KCNN2: variants seen among roughly 807,000 people sequenced by gnomAD.
KCNN2 encodes the protein potassium calcium-activated channel subfamily N member 2.
A neutral mutation model predicts 55.5 loss-of-function variants in KCNN2; 24 were observed. That is an observed-to-expected ratio of 0.43 (90% CI 0.31 to 0.61). The LOEUF (loss-of-function observed/expected upper bound fraction) is 0.61. Ranked by LOEUF, KCNN2 falls within the 20% of genes least tolerant of loss-of-function variation. The probability of loss-of-function intolerance (pLI) is 0.08; values close to 1 mark genes in which losing one functional copy is unlikely to be tolerated. For missense variants in KCNN2, 754 were observed against 853.6 expected (o/e 0.88, Z 1.45); for synonymous variants, 431 against 336.1 (o/e 1.28, Z -3.09).
intron 1 of KCNN2, among the ~76,000 whole-genome samples, chr5:114,176,278 T>G (rs2112548206): frequency 6.6e-6 from 1 of 152,320 alleles, no homozygotes; most frequent in African/African-American, 2.4e-5. Context: ...TTGATCCTGG[T>G]TGAGAATCAC....
intron 2 of KCNN2, among the ~76,000 whole-genome samples, chr5:114,365,582 G>A (rs1249468090): frequency 6.6e-6 from 1 of 152,204 alleles, no homozygotes; most frequent in Non-Finnish European, 1.5e-5. Flanking sequence ...GCTAGACAGT[G>A]CACAGTGAGA....
At chr5:114,205,081 C>CT (rs11325689) in intron 1 of KCNN2, among the ~76,000 whole-genome samples, 108 of 150,508 alleles carry the variant, frequency 7.2e-4, no homozygotes, top group Middle Eastern at 3.5e-3. Context: ...TTTTCTTTGT[C>CT]TTTTTTTTTT....
chr5:114,217,716 T>C (rs1158562972), intron 1 of KCNN2, among the ~76,000 whole-genome samples: 1 of 152,106 alleles, frequency 6.6e-6, no homozygotes, highest in Non-Finnish European at 1.5e-5. Context: ...GGTACAACAC[T>C]AAAGGCGTGA....
chr5:114,421,666 A>G (rs112768234), intron 3 of KCNN2, among the ~76,000 whole-genome samples: 16,071 of 150,092 alleles, frequency 0.11, 1,228 homozygotes, highest in African/African-American at 0.22. Flanking sequence ...CTGGAGTGCA[A>G]TGGCATGTTC....
chr5:114,241,732 ACATATATACGTATATATATG>A (rs1754631635), intron 2 of KCNN2, among the ~76,000 whole-genome samples: 1 of 70,812 alleles, frequency 1.4e-5, no homozygotes, highest in African/African-American at 6.6e-5. Flanking sequence ...GTATATATAT[ACATATATACGTATATATATG>A]TATATATATA....
intron 2 of KCNN2, among the ~76,000 whole-genome samples, chr5:114,275,674 G>A (rs1755472143): frequency 6.6e-6 from 1 of 152,038 alleles, no homozygotes; most frequent in Admixed American, 6.6e-5. Flanking sequence ...GGGATCGGTG[G>A]TGATATCCCC....
At chr5:114,468,125 C>CAACT (rs770846567) in intron 4 of KCNN2, among the ~76,000 whole-genome samples, 1 of 152,126 alleles carries the variant, frequency 6.6e-6, no homozygotes, top group Non-Finnish European at 1.5e-5. Flanking sequence ...TAGCAAATAT[C>CAACT]AACTTGTATT....
intron 2 of KCNN2, among the ~76,000 whole-genome samples, chr5:114,388,154 T>C (rs796888399): frequency 1.3e-5 from 2 of 152,362 alleles, no homozygotes; most frequent in African/African-American, 4.8e-5. Context: ...TATAGTTTGG[T>C]TCATTTACAT....
At chr5:114,495,478 T>C (rs977827886) in intron 7 of KCNN2, among the ~76,000 whole-genome samples, 10 of 152,376 alleles carry the variant, frequency 6.6e-5, no homozygotes, top group Admixed American at 5.2e-4. Context: ...CTCTGTATTA[T>C]TTATTGTTCT....
At chr5:114,155,663 G>T (rs547623262) in intron 1 of KCNN2, among the ~76,000 whole-genome samples, 12 of 152,116 alleles carry the variant, frequency 7.9e-5, no homozygotes, top group African/African-American at 2.9e-4. Flanking sequence ...TATTATGATT[G>T]TTGGCCACAT....
At chr5:114,383,495 G>A (rs547460680) in intron 2 of KCNN2, among the ~76,000 whole-genome samples, 1 of 124,524 alleles carries the variant, frequency 8.0e-6, no homozygotes, top group Admixed American at 9.4e-5. Context: ...TTTTGAGGCA[G>A]TCTTGCTTTG....
At chr5:114,400,123 C>G (rs2150068703) in intron 2 of KCNN2, among the ~76,000 whole-genome samples, 1 of 151,938 alleles carries the variant, frequency 6.6e-6, no homozygotes, top group East Asian at 1.9e-4. Flanking sequence ...TTCAGTTCAG[C>G]CTGGATTTTG....
upstream of KCNN2, among the ~76,000 whole-genome samples, chr5:114,358,081 G>T (rs1757331729): frequency 6.7e-6 from 1 of 149,144 alleles, no homozygotes; most frequent in South Asian, 2.2e-4. Context: ...TGTGTTTTTT[G>T]GCTGCATAAA....
At chr5:114,471,901 C>G (rs1007329668) in intron 4 of KCNN2, among the ~76,000 whole-genome samples, 1 of 152,164 alleles carries the variant, frequency 6.6e-6, no homozygotes, top group African/African-American at 2.4e-5. Context: ...TGCAGCAACT[C>G]ATTGAGTAAG....
chr5:114,491,596 T>C (rs1011855584), intron 6 of KCNN2, among the ~76,000 whole-genome samples: 1 of 151,678 alleles, frequency 6.6e-6, no homozygotes, highest in Non-Finnish European at 1.5e-5. Context: ...TATGATGTTT[T>C]TCTTGCAGTA....
chr5:114,127,103 C>T (rs889335905), intron 1 of KCNN2, among the ~76,000 whole-genome samples: 3 of 152,236 alleles, frequency 2.0e-5, no homozygotes, highest in African/African-American at 2.4e-5. Context: ...TGGCATTGAG[C>T]GTCTGAGACT....
chr5:114,278,833 G>A lies in KCNN2; in HGVS notation c.-185+57268G>A, dbSNP rs974614581. ...TGATCCCTTGTGCTTCCCGGGTGAG[G>A]CAATGCCCCGCCCTACTTCAGCTCA... On this transcript the variant is annotated intron_variant, in intron 2 of 10. Transcript: ENST00000512097. Among the ~76,000 whole-genome samples, 6 of 152,176 alleles carry A rather than the reference G, an allele frequency of 3.9e-5. 1 individual carries two copies. The South Asian group carries it at 1.0e-3, about 26-fold the overall frequency.
chr5:114,471,261 T>G (rs1349506133), intron 4 of KCNN2, among the ~76,000 whole-genome samples: 4 of 152,166 alleles, frequency 2.6e-5, no homozygotes, highest in Non-Finnish European at 4.4e-5. Flanking sequence ...CTTTATAAAA[T>G]AGTGTATTAC....
rs145779316 is a variant in KCNN2 at position 114,367,437 on chromosome 5, C to G, written c.1218+3436C>G. 4.1e-3 allele frequency among the ~76,000 whole-genome samples: 624 copies of G among 152,208 alleles called. 2 individuals are homozygous for G. Among genetic ancestry groups the G allele is most frequent in the Non-Finnish European group, 6.2e-3 (422 of 67,996 alleles). On this transcript the variant is annotated intron_variant, in intron 2 of 7. Transcript: ENST00000673685. ...TTAGACTTTTTCAGGTGATATTGAA[C>G]TTGTTTTCTATATCTATCAGTAAAG...
Sources: allele counts gnomAD v4.1 joint callset (sites outside exome capture counted in the v4.1 genomes callset), GRCh38; gene constraint gnomAD v4.1.1; transcripts MANE v1.5; gene names NCBI Gene and HGNC (gene_info 2026-07-23, HGNC 2026-07-21).